EMX1: variants seen among roughly 807,000 people sequenced by gnomAD.
EMX1 encodes empty spiracles homeobox 1, also known as homeobox protein EMX1.
EMX1 carries 10 observed loss-of-function variants against 20.1 expected under a neutral mutation model. The observed-to-expected ratio is 0.50, with a 90% CI of 0.31 to 0.84. The LOEUF is 0.84. EMX1 is among the 40% of genes least tolerant of loss of function. EMX1 has a pLI of 0.05. For missense variants in EMX1, 424 were observed against 431.9 expected (o/e 0.98, Z 0.16); for synonymous variants, 250 against 200.4 (o/e 1.25, Z -2.09).
At position 72,924,489 on chromosome 2, in the gene EMX1, C is replaced by T; in HGVS notation, c.701C>T (p.Thr234Met). 1 of 1,583,178 alleles carries T rather than the reference C, an allele frequency of 6.3e-7. No homozygotes were observed. Among genetic ancestry groups the T allele is most frequent in the Admixed American group, 1.7e-5 (1 of 58,578 alleles). ...QLAGSLSLSETQVKVWFQNRR... is the reference protein window; with the variant it reads ...QLAGSLSLSEMQVKVWFQNRR... ...GCCGGCAGTCTCAGCCTCTCCGAGACGCAGGTAATCACCCCCGGTCGCGGC... is the reference window on the plus strand; with the variant it reads ...GCCGGCAGTCTCAGCCTCTCCGAGATGCAGGTAATCACCCCCGGTCGCGGC... Residue 234 changes from threonine (T) to methionine (M), a missense_variant, in exon 2 of 3, where the codon ACG becomes ATG. Physicochemically the swap from Thr to Met is moderately conservative, Grantham distance 81. This residue lies in a region of EMX1 where 91 missense variants were observed against 135.2 expected (regional missense o/e 0.67). Transcript: ENST00000258106.
At chr2:72,924,285 T>C (rs1348371881) in intron 1 of EMX1, 24 bp from the exon 2 acceptor site, 2 of 1,555,552 alleles carry the variant, frequency 1.3e-6, no homozygotes, top group Non-Finnish European at 1.7e-6. Context: ...CCTGCGTGTG[T>C]TGCCGTCGGC....
At chr2:72,928,183 C>G (rs901818988) in intron 2 of EMX1, among the ~76,000 whole-genome samples, 1 of 152,182 alleles carries the variant, frequency 6.6e-6, no homozygotes, top group African/African-American at 2.4e-5. Context: ...TGGGCAAGGG[C>G]TAGTTCTCCC....
Position 72,917,818 on chromosome 2 carries a change from C to A in EMX1, c.-35C>A, listed in dbSNP as rs978129395. 50 of 1,282,230 alleles carry A rather than the reference C, an allele frequency of 3.9e-5. No homozygotes were observed. The highest frequency in any genetic ancestry group is 4.8e-5 in the Non-Finnish European group (49 of 1,018,646). 79.4% of individuals were successfully genotyped at this position (1,282,230 alleles called of 1,614,324 possible). On this transcript the variant is annotated 5_prime_UTR_variant, in exon 1 of 3. Coordinates refer to ENST00000258106, the MANE Select transcript of EMX1 (RefSeq NM_004097.3). ...CCCGCGGGGGCCGAGCGCGAGCGGGCGGGCGGGGGAGGTGAGGGGTGCGGG... is the reference window on the plus strand; with the variant it reads ...CCCGCGGGGGCCGAGCGCGAGCGGGAGGGCGGGGGAGGTGAGGGGTGCGGG...
At position 72,918,289 on chromosome 2, in the gene EMX1, CCTT is replaced by C. The variant is rs776822239; in HGVS notation, c.442_444del (p.Phe148del). ...GCCTCCCCGCTGCAGCCCCCGCACT[CCTT>C]CTTCGGCGCCCAGCACCGGGACCCT... On this transcript the variant is annotated inframe_deletion, in exon 1 of 3. Transcript: ENST00000258106. 1.8e-5 allele frequency: 28 copies of C among 1,575,538 alleles called. No homozygotes were observed. Among genetic ancestry groups the C allele is most frequent in the Non-Finnish European group, 2.0e-5 (24 of 1,171,600 alleles).
At chr2:72,919,099 G>A (rs1231587182) in intron 1 of EMX1, among the ~76,000 whole-genome samples, 11 of 151,872 alleles carry the variant, frequency 7.2e-5, no homozygotes, top group Admixed American at 7.2e-4. Context: ...GGGGGCAGAG[G>A]GCTTTTAAGG....
At chr2:72,929,855 T>C (rs1671256123) in intron 2 of EMX1, among the ~76,000 whole-genome samples, 1 of 152,234 alleles carries the variant, frequency 6.6e-6, no homozygotes, top group African/African-American at 2.4e-5. Context: ...TCTAGCAAAC[T>C]GATACATTCA....
intron 2 of EMX1, among the ~76,000 whole-genome samples, chr2:72,928,596 C>T (rs1015973315): frequency 1.3e-5 from 2 of 152,204 alleles, no homozygotes; most frequent in Non-Finnish European, 2.9e-5. Flanking sequence ...CCAGCTACTC[C>T]TTCTGCTCTG....
intron 1 of EMX1, chr2:72,923,893 T>G (rs956371336): frequency 7.2e-6 from 2 of 278,972 alleles, no homozygotes; most frequent in African/African-American, 4.5e-5. Flanking sequence ...AAGCAAATCG[T>G]TGGGGCTGGC....
In EMX1 at chr2:72,918,005, G is replaced by A. The variant is rs929603805; in HGVS notation, c.153G>A (p.Lys51=). The change falls in exon 1 of 3, where the codon AAG becomes AAA. Residue 51 remains lysine (K), a synonymous_variant. Transcript: ENST00000258106. ...TTACCATAGAGTCCTTGGTGGCCAA[G>A]GACGGCGGCACCGGCGGGGGCACTG... ...RGFTIESLVA[K]DGGTGGGTGG... 11 of 1,454,666 alleles carry A rather than the reference G, an allele frequency of 7.6e-6. No homozygotes were observed. The Admixed American group carries it at 1.1e-4, about 14-fold the overall frequency. 90.1% of individuals were successfully genotyped at this position (1,454,666 alleles called of 1,614,324 possible). A position where few individuals can be genotyped will look rare whatever the true frequency, so the allele number is the denominator to read the frequency against.
Position 72,928,841 on chromosome 2 carries a change from C to G in EMX1, c.705+4348C>G, listed in dbSNP as rs1197968133. Among the ~76,000 whole-genome samples, 3 of 151,998 alleles carry G rather than the reference C, an allele frequency of 2.0e-5. No individual in the cohort carries two copies. In the East Asian group the frequency reaches 5.8e-4, roughly 29 times the overall value. ...GATAGAAACGCTTGAGAAGATGGCT[C>G]CAGGAGGCCTCAGACCTGGAAGACT... On this transcript the variant is annotated intron_variant, in intron 2 of 2. Transcript: ENST00000258106.
In EMX1 at chr2:72,917,608, A is replaced by C; in HGVS notation, c.-245A>C. On this transcript the variant is annotated 5_prime_UTR_variant, in exon 1 of 3. Coordinates refer to ENST00000258106, the MANE Select transcript of EMX1 (RefSeq NM_004097.3). ...GGGGTCGGTCCCAGCGGGACTCCGA[A>C]AGGAGGGAGACGAGCTCAACCCTCG... 1 of 225,582 alleles carries C rather than the reference A, an allele frequency of 4.4e-6. No homozygotes were observed. The highest frequency in any genetic ancestry group is 8.5e-6 in the Non-Finnish European group (1 of 118,342). 14.0% of individuals were successfully genotyped at this position (225,582 alleles called of 1,614,324 possible). A position where few individuals can be genotyped will look rare whatever the true frequency, so the allele number is the denominator to read the frequency against.
Position 72,924,353 on chromosome 2 carries a change from G to A in EMX1, c.565G>A (p.Ala189Thr). 6.3e-7 allele frequency: 1 copy of A among 1,585,528 alleles called. No homozygotes were observed. The highest frequency in any genetic ancestry group is 8.5e-7 in the Non-Finnish European group (1 of 1,172,308). ...CGGGCTGCTTCTGCACGGCCCCTTCGCACGCAAGCCCAAGCGGATCCGCAC... is the reference window on the plus strand; with the variant it reads ...CGGGCTGCTTCTGCACGGCCCCTTCACACGCAAGCCCAAGCGGATCCGCAC... ...QDGLLLHGPFARKPKRIRTAF... is the reference protein window; with the variant it reads ...QDGLLLHGPFTRKPKRIRTAF... Residue 189 changes from alanine to threonine, a missense_variant, in exon 2 of 3, where the codon GCA becomes ACA. Transcript: ENST00000258106.
chr2:72,925,541 G>C (rs1383382789), intron 2 of EMX1: 13 of 1,288,336 alleles, frequency 1.0e-5, no homozygotes, highest in Admixed American at 4.6e-5. Context: ...GTTGCGAGAG[G>C]CCGGCTCCGC....
At chr2:72,928,658 C>T (rs553095939) in intron 2 of EMX1, among the ~76,000 whole-genome samples, 29 of 152,226 alleles carry the variant, frequency 1.9e-4, no homozygotes, top group African/African-American at 6.3e-4. Context: ...TTTAGCTGAG[C>T]GGTGAAGGCA....
chr2:72,918,517 A>T, intron 1 of EMX1, 145 bp downstream of exon 1: 1 of 1,203,424 alleles, frequency 8.3e-7, no homozygotes, highest in South Asian at 2.3e-5. Context: ...CCAGGCAGGG[A>T]AGAGCTGTGC....
rs770230662 is a variant in EMX1, at chr2:72,917,939, C to G, written c.87C>G (p.Pro29=). ...GAGCCCGGCTGCCTCGCACAGCTCC[C>G]GCGGCTGCGACCATGTTCCAGCCCG... ...LPRARLPRTA[P]AAATMFQPAA... The change falls in exon 1 of 3, where the codon CCC becomes CCG. Residue 29 remains proline, a synonymous_variant. Transcript: ENST00000258106. 3 of 1,486,046 alleles carry G rather than the reference C, an allele frequency of 2.0e-6. No homozygotes were observed. The highest frequency in any genetic ancestry group is 1.3e-5 in the South Asian group (1 of 79,424). The allele number at this position is 1,486,046 out of a possible 1,614,324, so 92.1% of individuals were successfully genotyped here. A position where few individuals can be genotyped will look rare whatever the true frequency, so the allele number is the denominator to read the frequency against.
chr2:72,923,242 G>A (rs1671132470), intron 1 of EMX1, among the ~76,000 whole-genome samples: 1 of 152,088 alleles, frequency 6.6e-6, no homozygotes, highest in Non-Finnish European at 1.5e-5. Context: ...CATTTGCTAA[G>A]GGACAGTCAC....
Position 72,917,912 on chromosome 2 carries a change from C to T in EMX1, c.60C>T (p.Pro20=). Residue 20 remains proline, a synonymous_variant, in exon 1 of 3, where the codon CCC becomes CCT. Coordinates refer to ENST00000258106, the MANE Select transcript of EMX1 (RefSeq NM_004097.3). Reference sequence around the variant, plus strand: ...CGGCGCCAGGACGCGGAGCGCTCCCCAGAGCCCGGCTGCCTCGCACAGCTC... The same window carrying T: ...CGGCGCCAGGACGCGGAGCGCTCCCTAGAGCCCGGCTGCCTCGCACAGCTC... ...KAAAPGRGAL[P]RARLPRTAPA... is the part of the protein sequence containing the mutation. 6.7e-7 allele frequency: 1 copy of T among 1,483,860 alleles called. No individual in the cohort carries two copies. The highest frequency in any genetic ancestry group is 1.3e-5 in the South Asian group (1 of 79,270). The allele number at this position is 1,483,860 out of a possible 1,614,324, so 91.9% of individuals were successfully genotyped here.
At chr2:72,933,649 C>T (rs1314204382) in intron 2 of EMX1, 138 bp from the exon 3 acceptor site, 2 of 1,094,420 alleles carry the variant, frequency 1.8e-6, no homozygotes, top group African/African-American at 1.6e-5. Flanking sequence ...TCAGAGGGGA[C>T]CCCGGCCTGG....
Sources: gnomAD v4.1 joint callset for allele counts (sites outside exome capture counted in the v4.1 genomes callset) on GRCh38, gnomAD v4.1.1 for gene constraint, gnomAD v4.1.1 regional missense constraint, MANE v1.5 for transcripts, NCBI Gene and HGNC (gene_info 2026-07-23, HGNC 2026-07-21) for gene names.